Variants in ROBO2 observed in about 807,000 individuals in gnomAD.
ROBO2 encodes roundabout homolog 2.
A neutral mutation model predicts 160.8 loss-of-function variants in ROBO2; 53 were observed. The observed-to-expected ratio is 0.33, with a 90% confidence interval of 0.26 to 0.41. The LOEUF (loss-of-function observed/expected upper bound fraction) is 0.41, where lower values mean the gene tolerates loss of function less well. Ranked by LOEUF, ROBO2 falls within the 10% of genes least tolerant of loss-of-function variation. ROBO2 has a pLI of 1.00. For synonymous variants in ROBO2, 664 were observed against 611.7 expected, an observed-to-expected ratio of 1.09 and a Z score of -1.26; for missense variants, 1,577 against 1,722.4, an observed-to-expected ratio of 0.92 and a Z score of 1.49.
At chr3:77,464,983 T>A (rs576205418) in intron 2 of ROBO2, among the ~76,000 whole-genome samples, 11 of 152,358 alleles carry the variant, frequency 7.2e-5, no homozygotes, top group Admixed American at 2.0e-4. Flanking sequence ...TAGTATCCAC[T>A]AATTTATTTC....
intron 2 of ROBO2, among the ~76,000 whole-genome samples, chr3:77,260,965 C>T (rs1029970233): frequency 3.3e-5 from 5 of 152,088 alleles, no homozygotes; most frequent in Admixed American, 2.6e-4. Flanking sequence ...TTGGAAGCCT[C>T]CTCCTGGTAG....
chr3:76,858,037 A>G, intron 2 of ROBO2, among the ~76,000 whole-genome samples: 1 of 151,978 alleles, frequency 6.6e-6, no homozygotes, highest in African/African-American at 2.4e-5. Flanking sequence ...TTCTTTTGGA[A>G]AATTTTCCTT....
chr3:77,604,636 A>G (rs967646966), intron 20 of ROBO2, among the ~76,000 whole-genome samples: 13 of 152,278 alleles, frequency 8.5e-5, no homozygotes, highest in East Asian at 3.9e-4. Flanking sequence ...GATAGAAAGC[A>G]TTCTTTAGTA....
At chr3:76,414,672 T>C (rs1001483813) in intron 2 of ROBO2, among the ~76,000 whole-genome samples, 3 of 146,166 alleles carry the variant, frequency 2.1e-5, no homozygotes, top group African/African-American at 7.6e-5. Context: ...TGCTAGATGA[T>C]GAGTTAGTGG....
intron 2 of ROBO2, among the ~76,000 whole-genome samples, chr3:76,746,487 C>T (rs1423236567): frequency 6.6e-6 from 1 of 152,052 alleles, no homozygotes; most frequent in Non-Finnish European, 1.5e-5. Flanking sequence ...ACATCCTCTC[C>T]AGCACCTGTT....
chr3:76,574,075 G>T (rs1398689393), intron 2 of ROBO2, among the ~76,000 whole-genome samples: 1 of 151,982 alleles, frequency 6.6e-6, no homozygotes, highest in Non-Finnish European at 1.5e-5. Context: ...ATGTTATCTT[G>T]TTCATCATTT....
intron 2 of ROBO2, among the ~76,000 whole-genome samples, chr3:76,007,146 CATT>C (rs2066044067): frequency 6.6e-6 from 1 of 151,908 alleles, no homozygotes; most frequent in African/African-American, 2.4e-5. Flanking sequence ...TACTTTTGTG[CATT>C]ATTATTAAAT....
intron 2 of ROBO2, among the ~76,000 whole-genome samples, chr3:76,961,087 G>A (rs1350570252): frequency 6.6e-6 from 1 of 151,816 alleles, no homozygotes; most frequent in Admixed American, 6.6e-5. Flanking sequence ...CAAAGTTGGG[G>A]CCCATTTTCA....
chr3:75,982,308 C>T (rs1446804387), intron 2 of ROBO2, among the ~76,000 whole-genome samples: 1 of 151,236 alleles, frequency 6.6e-6, no homozygotes, highest in Non-Finnish European at 1.5e-5. Context: ...ATTGCTAGAT[C>T]ATGTGGTAGC....
At chr3:77,025,966 T>G (rs1578341370) in intron 2 of ROBO2, among the ~76,000 whole-genome samples, 1 of 152,188 alleles carries the variant, frequency 6.6e-6, no homozygotes, top group South Asian at 2.1e-4. Context: ...ATTTTAGAAA[T>G]TGCATTCATT....
At chr3:77,320,037 C>T (rs901908411) in intron 2 of ROBO2, among the ~76,000 whole-genome samples, 1 of 152,156 alleles carries the variant, frequency 6.6e-6, no homozygotes, top group Non-Finnish European at 1.5e-5. Flanking sequence ...TATGAATTCA[C>T]CTGTTCAAAT....
intron 2 of ROBO2, among the ~76,000 whole-genome samples, chr3:77,291,578 G>C (rs1320477246): frequency 6.7e-6 from 1 of 148,166 alleles, no homozygotes; most frequent in Non-Finnish European, 1.5e-5. Context: ...GGTTAAACGG[G>C]AAGGTGAGGC....
At chr3:76,947,780 C>T (rs1175107852) in intron 2 of ROBO2, among the ~76,000 whole-genome samples, 2 of 151,954 alleles carry the variant, frequency 1.3e-5, no homozygotes, top group African/African-American at 2.4e-5. Context: ...TTTGTTCTGT[C>T]GCCATTCTCA....
Position 77,431,698 on chromosome 3 carries a change from C to T in ROBO2, c.389-45716C>T, listed in dbSNP as rs549262178. Among the ~76,000 whole-genome samples the T allele has an allele frequency of 2.0e-5, 3 of 152,226 alleles. No individual in the cohort carries two copies. In the East Asian group the frequency reaches 5.8e-4, roughly 29 times the overall value. ...TGAGTTAAGGAACAAAGAATCTATA[C>T]TTGGCTCCCTAAAAGAGCTAGTCAG... On this transcript the variant is annotated intron_variant, in intron 2 of 25. Transcript: ENST00000461745.
At chr3:76,475,607 C>G (rs1000277362) in intron 2 of ROBO2, among the ~76,000 whole-genome samples, 2 of 151,926 alleles carry the variant, frequency 1.3e-5, no homozygotes, top group Non-Finnish European at 2.9e-5. Flanking sequence ...GGGAAATGAA[C>G]TGTATGTTAC....
At chr3:76,778,943 C>T (rs920134578) in intron 2 of ROBO2, among the ~76,000 whole-genome samples, 6 of 151,068 alleles carry the variant, frequency 4.0e-5, no homozygotes, top group Admixed American at 2.6e-4. Flanking sequence ...TTATTTAGTA[C>T]TCACACAATC....
At chr3:76,417,553 T>A (rs991418296) in intron 2 of ROBO2, among the ~76,000 whole-genome samples, 1 of 151,952 alleles carries the variant, frequency 6.6e-6, no homozygotes, top group Non-Finnish European at 1.5e-5. Context: ...GAGGAAAAAA[T>A]AAAGTTAGCC....
chr3:76,880,668 C>T (rs1376756989), intron 2 of ROBO2, among the ~76,000 whole-genome samples: 1 of 152,064 alleles, frequency 6.6e-6, no homozygotes, highest in Non-Finnish European at 1.5e-5. Context: ...TAGCAAAATA[C>T]AACTTATGTT....
chr3:76,460,547 G>A (rs2078030567), intron 2 of ROBO2, among the ~76,000 whole-genome samples: 1 of 152,168 alleles, frequency 6.6e-6, no homozygotes, highest in African/African-American at 2.4e-5. Context: ...CATGTTGTAA[G>A]GACATTCAAG....
Sources: gnomAD v4.1 joint callset for allele counts (sites outside exome capture counted in the v4.1 genomes callset) on GRCh38, gnomAD v4.1.1 for gene constraint, MANE v1.5 for transcripts, NCBI Gene and HGNC (gene_info 2026-07-23, HGNC 2026-07-21) for gene names.